The following SLC39A10 variants were observed in gnomAD, a reference collection of about 807,000 sequenced individuals.
SLC39A10 encodes the protein solute carrier family 39 member 10.
SLC39A10 carries 13 observed loss-of-function variants against 65.1 expected under a neutral mutation model. The observed-to-expected ratio is 0.20, with a 90% CI of 0.13 to 0.32. SLC39A10 has a LOEUF of 0.32. Among genes scored for constraint, SLC39A10 ranks in the 10% least tolerant of loss-of-function variants. The pLI is 1.00. For synonymous variants in SLC39A10, 321 were observed against 342.2 expected (o/e 0.94, Z 0.68); for missense variants, 831 against 1,018.4 (o/e 0.82, Z 2.50).
intron 2 of SLC39A10, among the ~76,000 whole-genome samples, chr2:195,613,165 C>T (rs1688134412): frequency 6.6e-6 from 1 of 152,052 alleles, no homozygotes; most frequent in Admixed American, 6.6e-5. Context: ...TGACCTGGCA[C>T]CCTTCTGTTC....
intron 2 of SLC39A10, among the ~76,000 whole-genome samples, chr2:195,641,181 T>C (rs1190689790): frequency 6.6e-6 from 1 of 152,124 alleles, no homozygotes; most frequent in African/African-American, 2.4e-5. Context: ...TGTAAGTGTA[T>C]AGGAGGACAC....
At chr2:195,656,475 G>A (rs1689147020), upstream of SLC39A10, among the ~76,000 whole-genome samples, 1 of 152,166 alleles carries the variant, frequency 6.6e-6, no homozygotes, top group Non-Finnish European at 1.5e-5. Context: ...AGGAGTAGAG[G>A]AGTGAAGACC....
At chr2:195,658,473 T>G (rs1689254545) in intron 1 of SLC39A10, 1 of 152,240 alleles carries the variant, frequency 6.6e-6, no homozygotes, top group Non-Finnish European at 1.5e-5. Context: ...CTTTTGCTGT[T>G]AAGTCCTCTA....
chr2:195,719,652 C>T (rs1449135293), intron 8 of SLC39A10, among the ~76,000 whole-genome samples: 5 of 151,018 alleles, frequency 3.3e-5, no homozygotes, highest in Admixed American at 6.6e-5. Flanking sequence ...GAGTCTTCCT[C>T]TGCTGCCCAG....
chr2:195,657,352 A>C, intron 1 of SLC39A10, 71 bp downstream of exon 1: 2 of 977,938 alleles, frequency 2.0e-6, no homozygotes, highest in African/African-American at 1.7e-5. Context: ...GGAGACTGCG[A>C]GTCCCGGGAC....
At chr2:195,724,653 A>G (rs1692172003) in intron 8 of SLC39A10, among the ~76,000 whole-genome samples, 1 of 152,194 alleles carries the variant, frequency 6.6e-6, no homozygotes, top group South Asian at 2.1e-4. Context: ...ACAAATCATC[A>G]GTAAAAGAAA....
chr2:195,636,444 G>C (rs907569309), intron 2 of SLC39A10, among the ~76,000 whole-genome samples: 2 of 152,156 alleles, frequency 1.3e-5, no homozygotes, highest in Non-Finnish European at 2.9e-5. Context: ...AATGCACTTT[G>C]TAGTCCTCAA....
intron 9 of SLC39A10, among the ~76,000 whole-genome samples, chr2:195,734,403 C>T (rs1015608357): frequency 1.3e-5 from 2 of 152,032 alleles, no homozygotes; most frequent in South Asian, 2.1e-4. Context: ...CCCCATGATC[C>T]GCCCACCTCG....
chr2:195,649,998 A>G (rs994358256), intron 2 of SLC39A10, among the ~76,000 whole-genome samples: 29 of 152,204 alleles, frequency 1.9e-4, no homozygotes, highest in African/African-American at 6.8e-4. Flanking sequence ...TAAGGAAAAT[A>G]TATTCTCACG....
chr2:195,657,463 C>G, intron 1 of SLC39A10, 182 bp downstream of exon 1: 1 of 985,872 alleles, frequency 1.0e-6, no homozygotes, highest in South Asian at 4.7e-5. Flanking sequence ...TCGGCGGCGG[C>G]CAGCCGAAGC....
chr2:195,652,547 T>TAAAAAAAAA (rs746583732), upstream of SLC39A10, among the ~76,000 whole-genome samples: 23 of 123,800 alleles, frequency 1.9e-4, no homozygotes, highest in Non-Finnish European at 3.1e-4. Flanking sequence ...AGACTCATCT[T>TAAAAAAAAA]AAAAAAAAAA....
intron 2 of SLC39A10, among the ~76,000 whole-genome samples, chr2:195,642,905 A>G (rs1688840758): frequency 6.6e-6 from 1 of 152,180 alleles, no homozygotes; most frequent in African/African-American, 2.4e-5. Context: ...ATGAGCCACT[A>G]GAGAGGTTAA....
At chr2:195,719,258 T>C (rs1218777908) in intron 8 of SLC39A10, among the ~76,000 whole-genome samples, 1 of 152,146 alleles carries the variant, frequency 6.6e-6, no homozygotes, top group Non-Finnish European at 1.5e-5. Context: ...GCTTTCCTGA[T>C]ACAACCCTTG....
At chr2:195,684,099 A>C (rs746458806) in intron 3 of SLC39A10, among the ~76,000 whole-genome samples, 193 bp downstream of exon 3, 2 of 152,030 alleles carry the variant, frequency 1.3e-5, no homozygotes, top group Admixed American at 6.6e-5. Context: ...TGTTTTATTT[A>C]TCTCTTCTGG....
rs1399711125 is a variant in SLC39A10 at position 195,734,940 on chromosome 2, G to A, written c.2395G>A (p.Gly799Arg). The change falls in exon 10 of 10, where the codon GGG becomes AGG. Residue 799 changes from glycine (G) to arginine (R), a missense_variant. This residue lies in a region of SLC39A10 where 120 missense variants were observed against 203.9 expected (regional missense o/e 0.59). Coordinates refer to ENST00000359634, the MANE Select transcript of SLC39A10 (RefSeq NM_020342.3). ...TGAAGAACATGGCTTTTGTCCTGTG[G>A]GGCAATTCATCCTTCAGAATTTAGG... ...DNEEHGFCPV[G>R]QFILQNLGLL... The A allele has an allele frequency of 1.2e-6, 2 of 1,612,118 alleles. No homozygotes were observed. The highest frequency in any genetic ancestry group is 1.7e-4 in the Middle Eastern group (1 of 6,050).
At chr2:195,662,342 CACTGCAGCCCTGACCTCCTGGGCTT>C (rs1462364684) in intron 1 of SLC39A10, among the ~76,000 whole-genome samples, 2 of 150,864 alleles carry the variant, frequency 1.3e-5, no homozygotes, top group African/African-American at 2.4e-5. Flanking sequence ...GATCAGGGCT[CACTGCAGCCCTGACCTCCTGGGCTT>C]GGGTCATCCC....
chr2:195,661,419 T>A (rs1448241837), intron 1 of SLC39A10, among the ~76,000 whole-genome samples: 1 of 152,200 alleles, frequency 6.6e-6, no homozygotes, highest in Non-Finnish European at 1.5e-5. Context: ...TATTTATTTA[T>A]ATAGAGACAA....
intron 9 of SLC39A10, among the ~76,000 whole-genome samples, chr2:195,729,952 CCAT>C (rs976060979): frequency 1.4e-5 from 2 of 142,688 alleles, no homozygotes; most frequent in African/African-American, 2.6e-5. Flanking sequence ...GTGCACACCA[CCAT>C]GCCTAATTTT....
chr2:195,700,925 C>T (rs2105802025), intron 3 of SLC39A10, among the ~76,000 whole-genome samples: 1 of 152,054 alleles, frequency 6.6e-6, no homozygotes, highest in South Asian at 2.1e-4. Flanking sequence ...GTTCATTTAG[C>T]TTCTTAGATG....
Sources: allele counts gnomAD v4.1 joint callset (sites outside exome capture counted in the v4.1 genomes callset), GRCh38; gene constraint gnomAD v4.1.1; regional missense constraint gnomAD v4.1.1; transcripts MANE v1.5; gene names NCBI Gene and HGNC (gene_info 2026-07-23, HGNC 2026-07-21).